PXDNL: variants seen among roughly 807,000 people sequenced by gnomAD.
The protein encoded by PXDNL is peroxidasin like, also known as probable oxidoreductase PXDNL.
Under a neutral mutation model 150.8 loss-of-function variants are expected in PXDNL, and 145 were observed. The observed-to-expected ratio is 0.96, with a 90% CI of 0.84 to 1.10. PXDNL has a LOEUF of 1.10. Among genes scored for constraint, PXDNL ranks in the 50% least tolerant of loss-of-function variants. PXDNL has a pLI of 0.00. For missense variants in PXDNL, 2,087 were observed against 1,873.9 expected, an observed-to-expected ratio of 1.11 and a Z score of -2.10; for synonymous variants, 757 against 725.7, an observed-to-expected ratio of 1.04 and a Z score of -0.69.
intron 1 of PXDNL, chr8:51,721,699 TC>T: frequency 4.3e-6 from 2 of 465,890 alleles, no homozygotes; most frequent in Non-Finnish European, 8.4e-6. Context: ...GGAAGCCTCA[TC>T]AAAATTCTCC....
intron 17 of PXDNL, among the ~76,000 whole-genome samples, chr8:51,391,019 G>C (rs1310943273): frequency 2.0e-5 from 3 of 152,044 alleles, no homozygotes; most frequent in African/African-American, 7.2e-5. Context: ...CCTTGCGATA[G>C]TTTACTGAGA....
At chr8:51,485,179 G>T (rs1379103886) in intron 5 of PXDNL, among the ~76,000 whole-genome samples, 1 of 152,104 alleles carries the variant, frequency 6.6e-6, no homozygotes, top group African/African-American at 2.4e-5. Flanking sequence ...GGGGGAGTGA[G>T]CTGGGGCCAA....
At chr8:51,753,483 T>C (rs2037068134) in intron 1 of PXDNL, among the ~76,000 whole-genome samples, 1 of 152,210 alleles carries the variant, frequency 6.6e-6, no homozygotes, top group Admixed American at 6.5e-5. Context: ...TCATTTGGAA[T>C]TGCCTTTTAA....
At chr8:51,749,535 C>T (rs577687496) in intron 1 of PXDNL, among the ~76,000 whole-genome samples, 6 of 152,098 alleles carry the variant, frequency 3.9e-5, no homozygotes, top group Non-Finnish European at 8.8e-5. Flanking sequence ...AGATTAAAAA[C>T]GGTCCGCCTG....
chr8:51,470,922 C>T (rs558633515), intron 8 of PXDNL, among the ~76,000 whole-genome samples: 56 of 151,716 alleles, frequency 3.7e-4, no homozygotes, highest in Non-Finnish European at 5.6e-4. Flanking sequence ...GACATAGGCA[C>T]GGGCAAAGGC....
At chr8:51,712,375 A>AT (rs1395678717) in intron 1 of PXDNL, among the ~76,000 whole-genome samples, 21 of 152,054 alleles carry the variant, frequency 1.4e-4, no homozygotes, top group Non-Finnish European at 2.8e-4. Context: ...CTCTACTTTC[A>AT]TTTTTTCTTT....
In PXDNL at chr8:51,506,646, C is replaced by A. The variant is rs548832610; in HGVS notation, c.381-6876G>T. Among the ~76,000 whole-genome samples, 61 of 149,690 alleles carry A rather than the reference C, an allele frequency of 4.1e-4. No individual in the cohort carries two copies. In the South Asian group the frequency reaches 5.3e-3, roughly 13 times the overall value. ...AGAGTTATGAAAAATCTTTCTCACT[C>A]TTTGTTCAATCTCTACCTCTTTTTG... On this transcript the variant is annotated intron_variant, in intron 4 of 22. Coordinates refer to ENST00000356297, the MANE Select transcript of PXDNL (RefSeq NM_144651.5).
Position 51,319,883 on chromosome 8 carries a change from A to T in PXDNL, c.*8T>A. The T allele has an allele frequency of 6.6e-7, 1 of 1,508,666 alleles. No individual in the cohort carries two copies. Among genetic ancestry groups the T allele is most frequent in the Non-Finnish European group, 8.9e-7 (1 of 1,129,292 alleles). 93.5% of individuals were successfully genotyped at this position (1,508,666 alleles called of 1,614,324 possible). On this transcript the variant is annotated 3_prime_UTR_variant, in exon 23 of 23. Transcript: ENST00000356297. ...TCCCATTTGGGGCTCAACAGCACAA[A>T]ACTTTTATTAGCGCTTCTCTGGGGA...
chr8:51,589,761 G>GA (rs1813401667), intron 3 of PXDNL, among the ~76,000 whole-genome samples: 1 of 152,098 alleles, frequency 6.6e-6, no homozygotes, highest in African/African-American at 2.4e-5. Flanking sequence ...GAAGCTAGAG[G>GA]AAAAAACTTA....
At chr8:51,543,809 A>G (rs1812283803) in intron 4 of PXDNL, among the ~76,000 whole-genome samples, 3 of 152,172 alleles carry the variant, frequency 2.0e-5, no homozygotes, top group South Asian at 4.1e-4. Context: ...CATGGCTAGA[A>G]GATACAATTT....
At chr8:51,439,824 C>CAAAAAAAA (rs36102488) in intron 12 of PXDNL, among the ~76,000 whole-genome samples, 1 of 101,558 alleles carries the variant, frequency 9.8e-6, no homozygotes. Context: ...GACTCCATCT[C>CAAAAAAAA]AAAAAAAAAA....
At chr8:51,386,251 C>G (rs1241477669) in intron 17 of PXDNL, among the ~76,000 whole-genome samples, 2 of 152,058 alleles carry the variant, frequency 1.3e-5, no homozygotes, top group Non-Finnish European at 2.9e-5. Context: ...TGCCACCATG[C>G]CCGGCTAATT....
chr8:51,471,334 T>C (rs554281705), intron 8 of PXDNL, among the ~76,000 whole-genome samples: 6 of 152,152 alleles, frequency 3.9e-5, no homozygotes, highest in African/African-American at 1.4e-4. Flanking sequence ...TTTTTTAACA[T>C]TTGTTATTAC....
intron 1 of PXDNL, among the ~76,000 whole-genome samples, chr8:51,798,799 A>C (rs2037588670): frequency 6.6e-6 from 1 of 152,204 alleles, no homozygotes; most frequent in Non-Finnish European, 1.5e-5. Flanking sequence ...CTAGAACCAG[A>C]AATACCATTT....
intron 19 of PXDNL, among the ~76,000 whole-genome samples, chr8:51,346,393 C>G (rs1224087064): frequency 6.6e-6 from 1 of 152,158 alleles, no homozygotes; most frequent in Non-Finnish European, 1.5e-5. Flanking sequence ...TTTTAAGATA[C>G]CCCCTGTTGC....
At chr8:51,482,184 C>T (rs764308845) in intron 6 of PXDNL, among the ~76,000 whole-genome samples, 1 of 152,228 alleles carries the variant, frequency 6.6e-6, no homozygotes, top group Non-Finnish European at 1.5e-5. Flanking sequence ...CCATCTCTTC[C>T]ATCAATGTGA....
chr8:51,504,322 G>T (rs1232850562), intron 4 of PXDNL, among the ~76,000 whole-genome samples: 1 of 152,142 alleles, frequency 6.6e-6, no homozygotes, highest in Non-Finnish European at 1.5e-5. Context: ...GTTCCAGCCT[G>T]GTCTTGCCTG....
intron 2 of PXDNL, among the ~76,000 whole-genome samples, chr8:51,603,811 T>G (rs1055093159): frequency 1.3e-5 from 2 of 152,150 alleles, no homozygotes; most frequent in Non-Finnish European, 2.9e-5. Context: ...TTCAGACTAG[T>G]CAGGTTGGAA....
rs963252412 is a variant in PXDNL, at chr8:51,454,971, C to T, written c.983-1186G>A. On this transcript the variant is annotated intron_variant, in intron 9 of 22. Transcript: ENST00000356297. ...AGGTAAGGGAAAAATTAGCCGGGCG[C>T]GGTGGCGGGCGCCTGTAGTCCCAGC... Among the ~76,000 whole-genome samples the T allele has an allele frequency of 6.2e-5, 6 of 96,266 alleles. 1 individual carries two copies. The highest frequency in any genetic ancestry group is 4.4e-4 in the East Asian group (2 of 4,574). 63.2% of individuals were successfully genotyped at this position (96,266 alleles called of 152,430 possible). A position where few individuals can be genotyped will look rare whatever the true frequency, so the allele number is the denominator to read the frequency against.
Sources: allele counts gnomAD v4.1 joint callset (sites outside exome capture counted in the v4.1 genomes callset), GRCh38; gene constraint gnomAD v4.1.1; transcripts MANE v1.5; gene names NCBI Gene and HGNC (gene_info 2026-07-23, HGNC 2026-07-21).